The following NSUN4 variants were observed in gnomAD, a reference collection of about 807,000 sequenced individuals.
NSUN4 encodes the protein 5-cytosine rRNA methyltransferase NSUN4.
A neutral mutation model predicts 43.8 loss-of-function variants in NSUN4; 31 were observed. The ratio of observed to expected loss-of-function variants is 0.71; its 90% CI spans 0.53 to 0.96. The LOEUF is 0.96. Among genes scored for constraint, NSUN4 ranks in the 40% least tolerant of loss-of-function variants. NSUN4 has a pLI of 0.00. For missense variants in NSUN4, 439 were observed against 475.6 expected (o/e 0.92, Z 0.72); for synonymous variants, 167 against 184.1 (o/e 0.91, Z 0.75).
chr1:46,377,176 A>T, the NSUN4 span, among the ~76,000 whole-genome samples: 9 of 151,744 alleles, frequency 5.9e-5, no homozygotes, highest in Non-Finnish European at 8.8e-5. Flanking sequence ...CAGCCTCCAG[A>T]GTAGCTGGGA....
At chr1:46,341,847 C>T (rs1484544796) in intron 1 of NSUN4, 21 of 1,232,710 alleles carry the variant, frequency 1.7e-5, no homozygotes, top group Non-Finnish European at 1.9e-5. Context: ...CTCCAGAATG[C>T]GGCGTCCCTG....
At chr1:46,358,949 G>A (rs1295255967) in intron 4 of NSUN4, among the ~76,000 whole-genome samples, 2 of 151,960 alleles carry the variant, frequency 1.3e-5, no homozygotes, top group African/African-American at 2.4e-5. Context: ...CAGTTGACTA[G>A]TCTCATTGAA....
intron 4 of NSUN4, among the ~76,000 whole-genome samples, chr1:46,354,301 G>A (rs1304431823): frequency 6.6e-6 from 1 of 151,968 alleles, no homozygotes; most frequent in African/African-American, 2.4e-5. Flanking sequence ...GTCTCACTAT[G>A]TTGCCCAGGC....
intron 2 of NSUN4, 130 bp downstream of exon 2, chr1:46,345,274 A>G: frequency 2.9e-6 from 2 of 683,460 alleles, no homozygotes; most frequent in South Asian, 3.8e-5. Context: ...TATACAGACT[A>G]GGCATTTTTT....
intron 1 of NSUN4, chr1:46,343,334 C>G (rs1662254913): frequency 7.5e-6 from 3 of 399,730 alleles, no homozygotes; most frequent in Admixed American, 4.4e-5. Context: ...AAAGTTTACC[C>G]ATTGTCCCCC....
At position 46,364,153 on chromosome 1, in the gene NSUN4, A is replaced by T. The variant is rs1484477178; in HGVS notation, c.*2307A>T. The T allele has an allele frequency of 2.0e-5, 3 of 150,702 alleles. No individual in the cohort carries two copies. The highest frequency in any genetic ancestry group is 7.3e-5 in the African/African-American group (3 of 41,134). 9.3% of individuals were successfully genotyped at this position (150,702 alleles called of 1,614,324 possible). A position where few individuals can be genotyped will look rare whatever the true frequency, so the allele number is the denominator to read the frequency against. ...ACCTGGTCTTTACCAAAAAAAAAAAAAAAAAAATTAGCTGGGTGCGCTGGC... is the reference window on the plus strand; with the variant it reads ...ACCTGGTCTTTACCAAAAAAAAAAATAAAAAAATTAGCTGGGTGCGCTGGC... On this transcript the variant is annotated 3_prime_UTR_variant, in exon 6 of 6. Coordinates refer to ENST00000474844, the MANE Select transcript of NSUN4 (RefSeq NM_199044.4).
At chr1:46,342,865 C>T (rs1313214085) in intron 1 of NSUN4, 2 of 400,042 alleles carry the variant, frequency 5.0e-6, no homozygotes, top group African/African-American at 2.1e-5. Context: ...CCCGCTAAGG[C>T]CCACACCTGT....
At position 46,361,788 on chromosome 1, in the gene NSUN4, C is replaced by G. The variant is rs1557745470; in HGVS notation, c.1097C>G (p.Pro366Arg). The change falls in exon 6 of 6, where the codon CCA (proline) becomes CGA (arginine). Residue 366 changes from proline (P) to arginine (R), a missense_variant. Pro to Arg is a moderately radical substitution (Grantham distance 103, BLOSUM62 -2). Transcript: ENST00000474844. Reference sequence around the variant, plus strand: ...TGTCAGGTTGGGGAGCTGGTAATACCAAACCTCATGGCCAATTTTGGCCCC... The same window carrying G: ...TGTCAGGTTGGGGAGCTGGTAATACGAAACCTCATGGCCAATTTTGGCCCC... ...SSCQVGELVI[P>R]NLMANFGPMY... The G allele has an allele frequency of 1.2e-6, 2 of 1,614,116 alleles. No homozygotes were observed. Among genetic ancestry groups the G allele is most frequent in the Non-Finnish European group, 8.5e-7 (1 of 1,179,998 alleles).
chr1:46,342,080 ACCT>A (rs1475497285), intron 1 of NSUN4: 7 of 621,644 alleles, frequency 1.1e-5, no homozygotes, highest in African/African-American at 1.9e-5. Context: ...TCACGATTTC[ACCT>A]CCTCTTGCTC....
intron 4 of NSUN4, among the ~76,000 whole-genome samples, chr1:46,354,364 G>A (rs1309922181): frequency 6.6e-6 from 1 of 152,030 alleles, no homozygotes; most frequent in African/African-American, 2.4e-5. Flanking sequence ...CTCCCAAAGT[G>A]CTGGGATTAT....
intron 4 of NSUN4, among the ~76,000 whole-genome samples, chr1:46,357,206 T>C (rs1334611228): frequency 6.6e-6 from 1 of 152,134 alleles, no homozygotes; most frequent in South Asian, 2.1e-4. Flanking sequence ...TGAGACAGGG[T>C]TTCACTCCCA....
chr1:46,365,319 T>A (rs1211292611), downstream of NSUN4, among the ~76,000 whole-genome samples: 1 of 152,114 alleles, frequency 6.6e-6, no homozygotes, highest in Non-Finnish European at 1.5e-5. Context: ...GGGCATATAA[T>A]TTTGTGAGTA....
At chr1:46,353,052 A>G (rs1055594820) in intron 4 of NSUN4, 24 bp downstream of exon 4, 3 of 1,612,078 alleles carry the variant, frequency 1.9e-6, no homozygotes, top group African/African-American at 1.3e-5. Flanking sequence ...GATTTAGGAC[A>G]TGCATCCAGC....
chr1:46,373,294 A>T, the NSUN4 span, among the ~76,000 whole-genome samples: 1 of 152,144 alleles, frequency 6.6e-6, no homozygotes, highest in East Asian at 1.9e-4. Flanking sequence ...TCTGCCCATT[A>T]TCCAGTTTCA....
downstream of NSUN4, among the ~76,000 whole-genome samples, chr1:46,365,956 C>T (rs1391547555): frequency 5.3e-5 from 8 of 151,932 alleles, no homozygotes; most frequent in African/African-American, 1.5e-4. Context: ...GGGAAAACCC[C>T]GTCTGTACTA....
chr1:46,376,421 G>C, the NSUN4 span, among the ~76,000 whole-genome samples: 1 of 149,776 alleles, frequency 6.7e-6, no homozygotes, highest in South Asian at 2.1e-4. Context: ...AAAAAAAAAA[G>C]CATAGTAGTA....
intron 3 of NSUN4, among the ~76,000 whole-genome samples, chr1:46,348,962 C>T (rs1397370728): frequency 6.6e-6 from 1 of 151,276 alleles, no homozygotes; most frequent in African/African-American, 2.4e-5. Flanking sequence ...TTACAGGCAC[C>T]CACCACCACA....
rs77541428 is a variant in NSUN4, at chr1:46,363,632, A to C, written c.*1786A>C. 1 of 152,598 alleles carries C rather than the reference A, an allele frequency of 6.6e-6. No individual in the cohort carries two copies. The highest frequency in any genetic ancestry group is 2.4e-5 in the African/African-American group (1 of 41,460). The allele number at this position is 152,598 out of a possible 1,614,324, so 9.5% of individuals were successfully genotyped here. A position where few individuals can be genotyped will look rare whatever the true frequency, so the allele number is the denominator to read the frequency against. On this transcript the variant is annotated 3_prime_UTR_variant, in exon 6 of 6. Transcript: ENST00000474844. ...GGATAAATCCTAGAGAAACTCATACATGTACACCAGGAGATGTGTACAAGA... is the reference window on the plus strand; with the variant it reads ...GGATAAATCCTAGAGAAACTCATACCTGTACACCAGGAGATGTGTACAAGA...
chr1:46,340,815 G>GAGCA lies in NSUN4; in HGVS notation c.-11_-8dup. ...CGGTTCCGGTCGGAATTACCCCGTG[G>GAGCA]AGCACGCCGATATGGCTGCGCTGAC... On this transcript the variant is annotated 5_prime_UTR_variant, in exon 1 of 6. Coordinates refer to ENST00000474844, the MANE Select transcript of NSUN4 (RefSeq NM_199044.4). 1 of 1,606,324 alleles carries GAGCA rather than the reference G, an allele frequency of 6.2e-7. No homozygotes were observed. The highest frequency in any genetic ancestry group is 8.5e-7 in the Non-Finnish European group (1 of 1,176,360).
Sources: allele counts gnomAD v4.1 joint callset (sites outside exome capture counted in the v4.1 genomes callset), GRCh38; gene constraint gnomAD v4.1.1; transcripts MANE v1.5; gene names NCBI Gene and HGNC (gene_info 2026-07-23, HGNC 2026-07-21).